MYPN: variants seen among roughly 807,000 people sequenced by gnomAD.
MYPN encodes myopalladin, also known as sarcomeric protein myopalladin, 145 kDa (MYOP).
A neutral mutation model predicts 129.4 loss-of-function variants in MYPN; 63 were observed. The ratio of observed to expected loss-of-function variants is 0.49; its 90% CI spans 0.40 to 0.60. MYPN has a LOEUF of 0.60. MYPN is among the 20% of genes least tolerant of loss of function. MYPN has a pLI of 0.00. For synonymous variants in MYPN, 629 were observed against 600.9 expected, an observed-to-expected ratio of 1.05 and a Z score of -0.68; for missense variants, 1,596 against 1,635.4, an observed-to-expected ratio of 0.98 and a Z score of 0.42.
intron 6 of MYPN, among the ~76,000 whole-genome samples, chr10:68,152,211 G>C (rs2042783016): frequency 6.6e-6 from 1 of 152,194 alleles, no homozygotes; most frequent in Non-Finnish European, 1.5e-5. Flanking sequence ...CCAGGAGCAG[G>C]CTTCAGAGAA....
chr10:68,116,595 G>C (rs2042160575), intron 1 of MYPN, among the ~76,000 whole-genome samples: 1 of 152,130 alleles, frequency 6.6e-6, no homozygotes, highest in Non-Finnish European at 1.5e-5. Context: ...AATTAGCCGG[G>C]CATGGTGGCA....
At chr10:68,140,182 G>T (rs1025719464) in intron 2 of MYPN, among the ~76,000 whole-genome samples, 2 of 152,186 alleles carry the variant, frequency 1.3e-5, no homozygotes, top group Admixed American at 1.3e-4. Flanking sequence ...TGTGTTCACA[G>T]AATCAAAAGA....
At chr10:68,180,340 T>C (rs1244162902) in intron 12 of MYPN, among the ~76,000 whole-genome samples, 1 of 152,128 alleles carries the variant, frequency 6.6e-6, no homozygotes, top group Non-Finnish European at 1.5e-5. Context: ...CACGTGCCAC[T>C]ACTCGTGGCT....
At chr10:68,148,015 G>C (rs1395552250) in intron 4 of MYPN, among the ~76,000 whole-genome samples, 1 of 151,952 alleles carries the variant, frequency 6.6e-6, no homozygotes, top group Non-Finnish European at 1.5e-5. Flanking sequence ...AAATACCGAG[G>C]GTAACAACAA....
intron 12 of MYPN, among the ~76,000 whole-genome samples, chr10:68,186,064 C>T (rs1464053513): frequency 6.6e-6 from 1 of 152,138 alleles, no homozygotes; most frequent in South Asian, 2.1e-4. Flanking sequence ...AAAAATATTC[C>T]TATAATGTAG....
chr10:68,160,127 G>T (rs1381862401), intron 7 of MYPN, among the ~76,000 whole-genome samples: 1 of 152,132 alleles, frequency 6.6e-6, no homozygotes, highest in Non-Finnish European at 1.5e-5. Flanking sequence ...ACTGAGAGAT[G>T]CCGGGCACAG....
At position 68,161,751 on chromosome 10, in the gene MYPN, A is replaced by T. The variant is rs532744333; in HGVS notation, c.1482A>T (p.Pro494=). The part of the protein sequence containing the change: ...LQKKPRSMAE[P]EEICTLVIAE... ...TAGAACCTCGATCCATGGCAGAGCC[A>T]GGTAAAGATGATTTCAACTTTAATT... Residue 494 remains proline (P), a splice_region_variant and synonymous_variant, in exon 8 of 20, where the codon CCA becomes CCT. Transcript: ENST00000358913. The T allele has an allele frequency of 6.2e-7, 1 of 1,609,818 alleles. No homozygotes were observed. Among genetic ancestry groups the T allele is most frequent in the East Asian group, 2.2e-5 (1 of 44,834 alleles).
At chr10:68,161,388 T>A (rs2042971950) in intron 7 of MYPN, among the ~76,000 whole-genome samples, 1 of 151,850 alleles carries the variant, frequency 6.6e-6, no homozygotes, top group African/African-American at 2.4e-5. Flanking sequence ...TCCAGCTACC[T>A]GGGAGGCTGA....
chr10:68,199,226 C>T (rs913110045), intron 16 of MYPN, 142 bp from the exon 17 acceptor site: 12 of 793,566 alleles, frequency 1.5e-5, no homozygotes, highest in African/African-American at 5.1e-5. Flanking sequence ...TCGTTTCTCT[C>T]GATGCCCCTA....
At chr10:68,198,919 C>T (rs1050391410) in intron 16 of MYPN, among the ~76,000 whole-genome samples, 11 of 152,058 alleles carry the variant, frequency 7.2e-5, no homozygotes, top group Non-Finnish European at 1.3e-4. Context: ...GTGCAGCAAA[C>T]CACCGTGGTA....
Position 68,174,546 on chromosome 10 carries a change from T to G in MYPN, c.2454T>G (p.Ser818=), listed in dbSNP as rs758819987. ...GCTGTGTGTCCCCAATTCCTGTCTCTCCTACCAGCCGGATTCAGAACCCAG... is the reference window on the plus strand; with the variant it reads ...GCTGTGTGTCCCCAATTCCTGTCTCGCCTACCAGCCGGATTCAGAACCCAG... ...QPRCVSPIPV[S]PTSRIQNPVA... The change falls in exon 11 of 20, where the codon TCT becomes TCG. Residue 818 remains serine, a synonymous_variant. Transcript: ENST00000358913. 3.1e-6 allele frequency: 5 copies of G among 1,614,082 alleles called. No homozygotes were observed. In the East Asian group the frequency reaches 1.1e-4, roughly 36 times the overall value.
At position 68,174,227 on chromosome 10, in the gene MYPN, C is replaced by G. The variant is rs1277696123; in HGVS notation, c.2135C>G (p.Ala712Gly). 5 of 1,614,002 alleles carry G rather than the reference C, an allele frequency of 3.1e-6. No individual in the cohort carries two copies. The highest frequency in any genetic ancestry group is 4.2e-6 in the Non-Finnish European group (5 of 1,180,020). ...ACAACATCCAGTAAGCAGGTGAAGGCTCCTTCATCACAGACGTTCAGCTTG... is the reference window on the plus strand; with the variant it reads ...ACAACATCCAGTAAGCAGGTGAAGGGTCCTTCATCACAGACGTTCAGCTTG... ...AVTTSSKQVKAPSSQTFSLAR... is the reference protein window; with the variant it reads ...AVTTSSKQVKGPSSQTFSLAR... The change falls in exon 11 of 20, where the codon GCT (alanine) becomes GGT (glycine). Residue 712 changes from alanine to glycine, a missense_variant. Transcript: ENST00000358913.
At chr10:68,142,551 G>A (rs2042594066) in intron 2 of MYPN, among the ~76,000 whole-genome samples, 2 of 152,282 alleles carry the variant, frequency 1.3e-5, no homozygotes, top group South Asian at 2.1e-4. Context: ...TCAACTGTAC[G>A]AACCTGTATT....
rs370348348 is a variant in MYPN at position 68,183,235 on chromosome 10, C to T, written c.2704-5670C>T. On this transcript the variant is annotated intron_variant, in intron 12 of 19. Transcript: ENST00000358913. ...CAGAACTTTGGGAGGCTGAGGCGGG[C>T]GGATTGCTTGAGCTTAGGAGTTCAA... is the stretch of plus-strand genomic sequence containing the variant. Among the ~76,000 whole-genome samples the T allele has an allele frequency of 4.4e-4, 67 of 152,132 alleles. 1 individual carries two copies. In the South Asian group the frequency reaches 0.012, roughly 27 times the overall value.
At chr10:68,115,502 C>T (rs953149208) in intron 1 of MYPN, among the ~76,000 whole-genome samples, 8 of 152,140 alleles carry the variant, frequency 5.3e-5, no homozygotes, top group East Asian at 1.9e-4. Context: ...ATCTCAAATA[C>T]GAGCATTTCT....
intron 2 of MYPN, among the ~76,000 whole-genome samples, chr10:68,137,882 A>G (rs2042511468): frequency 6.6e-6 from 1 of 152,168 alleles, no homozygotes; most frequent in African/African-American, 2.4e-5. Context: ...ATATTGTTTC[A>G]TGCATTAAGC....
rs760170714 is a variant in MYPN, at chr10:68,195,548, A to T, written c.3158+16A>T. 6.2e-7 allele frequency: 1 copy of T among 1,603,878 alleles called. No homozygotes were observed. The highest frequency in any genetic ancestry group is 1.1e-5 in the South Asian group (1 of 90,888). ...AGTCTCACAGGTAAAGACAGTAAGA[A>T]TTCCCCCTCTCTAGGCCCTTCCCAA... On this transcript the variant is annotated intron_variant, in intron 15 of 19. Coordinates refer to ENST00000358913, the MANE Select transcript of MYPN (RefSeq NM_032578.4).
chr10:68,207,545 C>G (rs949708544), intron 19 of MYPN, among the ~76,000 whole-genome samples: 1 of 152,146 alleles, frequency 6.6e-6, no homozygotes, highest in Non-Finnish European at 1.5e-5. Flanking sequence ...ACTGGAACTT[C>G]CCACTGCCTG....
chr10:68,108,653 A>G (rs2042041145), upstream of MYPN, among the ~76,000 whole-genome samples: 1 of 152,218 alleles, frequency 6.6e-6, no homozygotes, highest in Non-Finnish European at 1.5e-5. Flanking sequence ...TGATAATGTT[A>G]TAGCATCATT....
Sources: gnomAD v4.1 joint callset for allele counts (sites outside exome capture counted in the v4.1 genomes callset) on GRCh38, gnomAD v4.1.1 for gene constraint, MANE v1.5 for transcripts, NCBI Gene and HGNC (gene_info 2026-07-23, HGNC 2026-07-21) for gene names.